The following STOX1 variants were observed in gnomAD, a reference collection of about 807,000 sequenced individuals.
The protein encoded by STOX1 is storkhead-box protein 1.
In STOX1, 57 loss-of-function variants were observed where a neutral mutation model predicts 74.8. That is an observed-to-expected ratio of 0.76 (90% confidence interval 0.62 to 0.95). The LOEUF is 0.95. Ranked by LOEUF, STOX1 falls within the 40% of genes least tolerant of loss-of-function variation. STOX1 has a pLI of 0.00. For synonymous variants in STOX1, 375 were observed against 401.3 expected (o/e 0.93, Z 0.78); for missense variants, 1,010 against 1,117.0 (o/e 0.90, Z 1.37).
intron 1 of STOX1, among the ~76,000 whole-genome samples, chr10:68,873,560 C>CTTTTTT (rs5785876): frequency 9.8e-6 from 1 of 102,196 alleles, no homozygotes; most frequent in African/African-American, 3.9e-5. Flanking sequence ...CGCGCCTGGC[C>CTTTTTT]TTTTTTTTTT....
chr10:68,849,205 AG>A (rs1431782860), intron 1 of STOX1, among the ~76,000 whole-genome samples: 1 of 152,190 alleles, frequency 6.6e-6, no homozygotes, highest in Admixed American at 6.5e-5. Flanking sequence ...AGGTTCAACC[AG>A]GCATTATTGG....
rs1180663337 is a variant in STOX1, at chr10:68,884,416, C to T, written c.620C>T (p.Pro207Leu). Reference sequence around the variant, plus strand: ...ACCCAGGAAAATAAGAGAATGCTGCCATCAGATGAAAGTCGCCTGATGCCA... The same window carrying T: ...ACCCAGGAAAATAAGAGAATGCTGCTATCAGATGAAAGTCGCCTGATGCCA... ...TTTQENKRMLPSDESRLMPAS... is the reference protein window; with the variant it reads ...TTTQENKRMLLSDESRLMPAS... Residue 207 changes from proline (P) to leucine (L), a missense_variant, in exon 3 of 4, where the codon CCA (proline) becomes CTA (leucine). By Grantham distance (98) the Pro-to-Leu change is moderately conservative. Coordinates refer to ENST00000298596, the MANE Select transcript of STOX1 (RefSeq NM_152709.5). The T allele has an allele frequency of 4.3e-6, 7 of 1,614,050 alleles. No individual in the cohort carries two copies. Among genetic ancestry groups the T allele is most frequent in the Non-Finnish European group, 5.9e-6 (7 of 1,180,026 alleles).
intron 1 of STOX1, among the ~76,000 whole-genome samples, chr10:68,861,824 C>T (rs1341278600): frequency 6.6e-6 from 1 of 152,078 alleles, no homozygotes; most frequent in Non-Finnish European, 1.5e-5. Context: ...AATATTTGTT[C>T]TGTTAATTTT....
intron 1 of STOX1, among the ~76,000 whole-genome samples, chr10:68,868,095 C>T (rs370446114): frequency 3.7e-4 from 57 of 152,344 alleles, no homozygotes; most frequent in Middle Eastern, 3.4e-3. Flanking sequence ...CCCTTCGATC[C>T]GGGTTCGAGC....
chr10:68,882,500 CTT>C (rs202110171), intron 2 of STOX1, among the ~76,000 whole-genome samples: 17 of 141,398 alleles, frequency 1.2e-4, no homozygotes, highest in Admixed American at 3.5e-4. Context: ...TAAATTGGAT[CTT>C]TTTTTTTTTT....
At chr10:68,836,359 A>G (rs910936597) in intron 1 of STOX1, among the ~76,000 whole-genome samples, 2 of 152,234 alleles carry the variant, frequency 1.3e-5, no homozygotes, top group East Asian at 1.9e-4. Flanking sequence ...TCAGGAAAAT[A>G]ACAAATACAA....
intron 1 of STOX1, among the ~76,000 whole-genome samples, chr10:68,875,920 T>C (rs1386300564): frequency 1.3e-5 from 2 of 152,282 alleles, no homozygotes; most frequent in South Asian, 2.1e-4. Flanking sequence ...AAGCTTTTGA[T>C]AGTGAAGAGC....
intron 1 of STOX1, among the ~76,000 whole-genome samples, chr10:68,846,305 C>A (rs759979709): frequency 5.3e-5 from 8 of 151,724 alleles, no homozygotes; most frequent in Non-Finnish European, 7.4e-5. Context: ...CACCACCAGA[C>A]CTGGCTAATG....
Position 68,886,136 on chromosome 10 carries a change from C to T in STOX1, c.2340C>T (p.Thr780=), listed in dbSNP as rs369179364. 6.4e-5 allele frequency: 104 copies of T among 1,614,104 alleles called. No homozygotes were observed. Among genetic ancestry groups the T allele is most frequent in the African/African-American group, 9.3e-5 (7 of 75,016 alleles). ...AAAAAGTGATTGAGAGATCTCTGACCGAGTACAACAGCACAATGGAGAGGG... is the reference window on the plus strand; with the variant it reads ...AAAAAGTGATTGAGAGATCTCTGACTGAGTACAACAGCACAATGGAGAGGG... ...GKQKVIERSL[T]EYNSTMERVE... The change falls in exon 3 of 4, where the codon ACC becomes ACT. Residue 780 remains threonine, a synonymous_variant. Transcript: ENST00000298596.
Position 68,885,747 on chromosome 10 carries a change from C to T in STOX1, c.1951C>T (p.Arg651Ter), listed in dbSNP as rs749148892. The T allele has an allele frequency of 2.8e-5, 45 of 1,613,986 alleles. No individual in the cohort carries two copies. Among genetic ancestry groups the T allele is most frequent in the Admixed American group, 1.0e-4 (6 of 59,992 alleles). ...ATCACGAGGTGCCTCCTTTTCAGAC[C>T]GAACACCCTCTGCTTGTAGATTAGT... ...LPSRGASFSD[R>*]TPSACRLVDN... Residue 651 changes from arginine (R) to a stop codon, truncating the protein, a stop_gained, in exon 3 of 4, where the codon CGA (arginine) becomes TGA (stop). Transcript: ENST00000298596. LOFTEE classifies it high-confidence loss of function.
chr10:68,829,309 A>C (rs1839346880), intron 1 of STOX1, among the ~76,000 whole-genome samples: 1 of 152,210 alleles, frequency 6.6e-6, no homozygotes, highest in African/African-American at 2.4e-5. Flanking sequence ...ACCCCTCAGG[A>C]GTTCAAGACC....
At chr10:68,831,147 A>G (rs1005827824) in intron 1 of STOX1, among the ~76,000 whole-genome samples, 6 of 152,172 alleles carry the variant, frequency 3.9e-5, no homozygotes, top group African/African-American at 1.4e-4. Flanking sequence ...GAAAAGGACA[A>G]AAAGAGTCAA....
intron 1 of STOX1, among the ~76,000 whole-genome samples, chr10:68,876,772 A>C (rs1840691034): frequency 6.6e-6 from 1 of 152,168 alleles, no homozygotes; most frequent in African/African-American, 2.4e-5. Context: ...GCCTCGACTG[A>C]AGAGTGCTCT....
chr10:68,895,274 G>A (rs1230386856), downstream of STOX1: 4 of 152,152 alleles, frequency 2.6e-5, no homozygotes, highest in Non-Finnish European at 5.9e-5. Context: ...CGCAACTAAT[G>A]AAGTCCATCT....
chr10:68,879,170 G>A (rs1840749467), intron 1 of STOX1, among the ~76,000 whole-genome samples: 1 of 152,086 alleles, frequency 6.6e-6, no homozygotes. Flanking sequence ...CAAAAACTAT[G>A]CATAAATCAC....
chr10:68,893,144 A>C (rs1039515639), downstream of STOX1: 8 of 191,312 alleles, frequency 4.2e-5, no homozygotes, highest in Non-Finnish European at 6.5e-5. Flanking sequence ...ACACAAAATC[A>C]GAAAACAGTG....
Position 68,827,804 on chromosome 10 carries a change from G to T in STOX1, c.181G>T (p.Ala61Ser). 2.1e-6 allele frequency: 1 copy of T among 472,994 alleles called. No individual in the cohort carries two copies. Among genetic ancestry groups the T allele is most frequent in the Non-Finnish European group, 2.6e-6 (1 of 391,064 alleles). The allele number at this position is 472,994 out of a possible 1,614,324, so 29.3% of individuals were successfully genotyped here. The change falls in exon 1 of 4, where the codon GCC becomes TCC. Residue 61 changes from alanine (A) to serine (S), a missense_variant. Transcript: ENST00000298596. ...ARLARAASRL[A>S]FQGWLRRGVL... Reference sequence around the variant, plus strand: ...GCTGGCGCGCGCCGCCTCGCGGCTGGCCTTCCAGGGCTGGCTGCGGCGGGG... The same window carrying T: ...GCTGGCGCGCGCCGCCTCGCGGCTGTCCTTCCAGGGCTGGCTGCGGCGGGG...
intron 2 of STOX1, among the ~76,000 whole-genome samples, chr10:68,882,374 A>G (rs1840831364): frequency 6.6e-6 from 1 of 152,168 alleles, no homozygotes; most frequent in African/African-American, 2.4e-5. Flanking sequence ...GGAGTGCAAA[A>G]TGAGAAAGTA....
rs1242577950 is a variant in STOX1 at position 68,885,430 on chromosome 10, G to T, written c.1634G>T (p.Gly545Val). The T allele has an allele frequency of 6.2e-7, 1 of 1,613,992 alleles. No individual in the cohort carries two copies. Among genetic ancestry groups the T allele is most frequent in the African/African-American group, 1.3e-5 (1 of 74,912 alleles). Residue 545 changes from glycine (G) to valine (V), a missense_variant, in exon 3 of 4, where the codon GGT becomes GTT. Gly to Val is a moderately radical substitution (Grantham distance 109). Transcript: ENST00000298596. ...TTGGATTCCTCAAGAATCTTTGATG[G>T]TAAAGCCAAAGAGCCATATGCTGAA... Reference protein sequence around the residue: ...RSLDSSRIFDGKAKEPYAEQP... With the variant: ...RSLDSSRIFDVKAKEPYAEQP...
Sources: allele counts gnomAD v4.1 joint callset (sites outside exome capture counted in the v4.1 genomes callset), GRCh38; gene constraint gnomAD v4.1.1; transcripts MANE v1.5; gene names NCBI Gene and HGNC (gene_info 2026-07-23, HGNC 2026-07-21).